The following HCN1 variants were observed in gnomAD, a reference collection of about 807,000 sequenced individuals.
The protein encoded by HCN1 is potassium/sodium hyperpolarization-activated cyclic nucleotide-gated channel 1.
A neutral mutation model predicts 78.9 loss-of-function variants in HCN1; 13 were observed. That is an observed-to-expected ratio of 0.16 (90% CI 0.11 to 0.26). HCN1 has a LOEUF of 0.26. Among genes scored for constraint, HCN1 ranks in the 10% least tolerant of loss-of-function variants. The probability of loss-of-function intolerance (pLI) is 1.00; values close to 1 mark genes in which losing one functional copy is unlikely to be tolerated. For synonymous variants in HCN1, 552 were observed against 455.5 expected (o/e 1.21, Z -2.70); for missense variants, 810 against 1,154.3 (o/e 0.70, Z 4.32).
intron 2 of HCN1, among the ~76,000 whole-genome samples, chr5:45,630,719 T>C (rs899704467): frequency 6.6e-6 from 1 of 152,126 alleles, no homozygotes; most frequent in Admixed American, 6.6e-5. Flanking sequence ...TCTTGATAAG[T>C]CCTAGTCTTC....
At position 45,260,046 on chromosome 5, in the gene HCN1, A is replaced by C. The variant is rs1744700700; in HGVS notation, c.*1875T>G. 1 of 152,494 alleles carries C rather than the reference A, an allele frequency of 6.6e-6. No homozygotes were observed. Among genetic ancestry groups the C allele is most frequent in the Non-Finnish European group, 1.5e-5 (1 of 68,022 alleles). The allele number at this position is 152,494 out of a possible 1,614,324, so 9.4% of individuals were successfully genotyped here. A position where few individuals can be genotyped will look rare whatever the true frequency, so the allele number is the denominator to read the frequency against. ...ACCAGTTGGGATTTGTTTGAAATTA[A>C]ACATAACAACTCATTTTGGTATTAT... On this transcript the variant is annotated 3_prime_UTR_variant, in exon 8 of 8. Transcript: ENST00000303230.
chr5:45,373,198 T>C (rs1324343586), intron 4 of HCN1, among the ~76,000 whole-genome samples: 2 of 123,040 alleles, frequency 1.6e-5, no homozygotes, highest in African/African-American at 6.4e-5. Context: ...ATGTATTTTA[T>C]ATATTTTATA....
intron 2 of HCN1, among the ~76,000 whole-genome samples, chr5:45,473,079 T>C (rs540734761): frequency 6.6e-6 from 1 of 152,060 alleles, no homozygotes; most frequent in Admixed American, 6.6e-5. Context: ...TCATCACTTT[T>C]TTCCATATCC....
intron 5 of HCN1, among the ~76,000 whole-genome samples, chr5:45,342,623 G>T (rs1475066280): frequency 1.3e-5 from 2 of 152,086 alleles, no homozygotes; most frequent in Non-Finnish European, 2.9e-5. Context: ...ATTTGATTGA[G>T]AAATTTGTAG....
At chr5:45,417,688 C>G (rs1349635652) in intron 3 of HCN1, among the ~76,000 whole-genome samples, 2 of 145,514 alleles carry the variant, frequency 1.4e-5, no homozygotes, top group African/African-American at 5.1e-5. Flanking sequence ...TTTAATTTAG[C>G]CAAGCAGACA....
At chr5:45,560,700 T>C (rs546664561) in intron 2 of HCN1, among the ~76,000 whole-genome samples, 66 of 152,068 alleles carry the variant, frequency 4.3e-4, no homozygotes, top group Non-Finnish European at 7.5e-4. Flanking sequence ...AAAAACTAAG[T>C]ATAACAAAAA....
intron 4 of HCN1, among the ~76,000 whole-genome samples, chr5:45,384,184 C>T (rs943487399): frequency 2.0e-5 from 3 of 152,050 alleles, no homozygotes; most frequent in Admixed American, 1.3e-4. Flanking sequence ...CATCCCCGTG[C>T]AGTATTTGGT....
chr5:45,372,437 T>C (rs1172155788), intron 4 of HCN1, among the ~76,000 whole-genome samples: 2 of 123,130 alleles, frequency 1.6e-5, no homozygotes, highest in African/African-American at 6.1e-5. Context: ...TAATATATAC[T>C]TATATATAAA....
intron 5 of HCN1, among the ~76,000 whole-genome samples, chr5:45,349,620 C>T (rs1746839824): frequency 6.6e-6 from 1 of 152,134 alleles, no homozygotes; most frequent in Admixed American, 6.5e-5. Context: ...AATTGATAGA[C>T]CGCTAGCAAG....
chr5:45,607,334 T>G (rs1744743767), intron 2 of HCN1, among the ~76,000 whole-genome samples: 1 of 151,650 alleles, frequency 6.6e-6, no homozygotes. Context: ...TAGTCTTGAT[T>G]CCAAAACCAG....
Position 45,262,244 on chromosome 5 carries a change from T to G in HCN1, c.2350A>C (p.Arg784=). 1.2e-6 allele frequency: 2 copies of G among 1,614,026 alleles called. No individual in the cohort carries two copies. Among genetic ancestry groups the G allele is most frequent in the Non-Finnish European group, 1.7e-6 (2 of 1,180,022 alleles). Residue 784 remains arginine (R), a synonymous_variant, in exon 8 of 8, where the codon AGG becomes CGG. Transcript: ENST00000303230. ...LHNTNLTREV[R]PLSASQPSLP... ...GAGGGCTGCGAGGCGGAGAGTGGCC[T>G]GACTTCCCGGGTCAGGTTGGTGTTG...
chr5:45,428,728 T>A (rs1579888162), intron 3 of HCN1, among the ~76,000 whole-genome samples: 1 of 151,992 alleles, frequency 6.6e-6, no homozygotes, highest in African/African-American at 2.4e-5. Flanking sequence ...AAATTTGGGC[T>A]TGAAATAATA....
intron 2 of HCN1, among the ~76,000 whole-genome samples, chr5:45,560,672 A>G (rs1364991863): frequency 2.0e-5 from 3 of 152,050 alleles, no homozygotes; most frequent in Non-Finnish European, 2.9e-5. Flanking sequence ...AAATAAAAAC[A>G]ATGTGTTTAT....
At chr5:45,421,238 A>G (rs989810055) in intron 3 of HCN1, among the ~76,000 whole-genome samples, 1 of 151,744 alleles carries the variant, frequency 6.6e-6, no homozygotes, top group Admixed American at 6.6e-5. Flanking sequence ...AATTTTTTGT[A>G]TTTTTAGTAG....
intron 6 of HCN1, among the ~76,000 whole-genome samples, chr5:45,299,413 C>A (rs959471937): frequency 6.6e-6 from 1 of 151,990 alleles, no homozygotes; most frequent in Admixed American, 6.6e-5. Context: ...ATCTTCATCT[C>A]TCGCTCTCTG....
At chr5:45,424,645 G>A (rs1234240497) in intron 3 of HCN1, among the ~76,000 whole-genome samples, 1 of 152,102 alleles carries the variant, frequency 6.6e-6, no homozygotes, top group Non-Finnish European at 1.5e-5. Context: ...TACATTTGGA[G>A]ATTTTTAAAA....
At chr5:45,427,512 C>T (rs1402128790) in intron 3 of HCN1, among the ~76,000 whole-genome samples, 5 of 152,130 alleles carry the variant, frequency 3.3e-5, no homozygotes, top group Admixed American at 3.3e-4. Context: ...TGTTCAATCT[C>T]TCTTCCTATA....
rs948328906 is a variant in HCN1 at position 45,536,164 on chromosome 5, T to C, written c.850-74157A>G. Among the ~76,000 whole-genome samples, 5 of 152,208 alleles carry C rather than the reference T, an allele frequency of 3.3e-5. No homozygotes were observed. The South Asian group carries it at 6.2e-4, about 19-fold the overall frequency. ...GCAGTTTGACTATGATGTGTCTATA[T>C]ATGGTTTGGTTTTCTTCCTTTGCAT... is the stretch of plus-strand genomic sequence containing the variant. On this transcript the variant is annotated intron_variant, in intron 2 of 7. Coordinates refer to ENST00000303230, the MANE Select transcript of HCN1 (RefSeq NM_021072.4).
intron 2 of HCN1, among the ~76,000 whole-genome samples, chr5:45,639,156 G>A (rs1191219349): frequency 2.0e-5 from 3 of 151,956 alleles, no homozygotes; most frequent in African/African-American, 7.2e-5. Context: ...CAAGCAAATA[G>A]ATGATTCTAG....
Sources: allele counts gnomAD v4.1 joint callset (sites outside exome capture counted in the v4.1 genomes callset), GRCh38; gene constraint gnomAD v4.1.1; transcripts MANE v1.5; gene names NCBI Gene and HGNC (gene_info 2026-07-23, HGNC 2026-07-21).